The following TNFSF13B variants were observed in gnomAD, a reference collection of about 807,000 sequenced individuals.
TNFSF13B encodes the protein TNF superfamily member 13b.
Under a neutral mutation model 29.1 loss-of-function variants are expected in TNFSF13B, and 8 were observed. The ratio of observed to expected loss-of-function variants is 0.27; its 90% confidence interval spans 0.16 to 0.50. The LOEUF (loss-of-function observed/expected upper bound fraction) is 0.50. TNFSF13B is among the 20% of genes least tolerant of loss of function. The pLI is 0.98. For missense variants in TNFSF13B, 248 were observed against 334.9 expected, an observed-to-expected ratio of 0.74 and a Z score of 2.03; for synonymous variants, 125 against 130.8, an observed-to-expected ratio of 0.96 and a Z score of 0.30.
intron 2 of TNFSF13B, among the ~76,000 whole-genome samples, chr13:108,279,765 T>C (rs1332520450): frequency 1.3e-5 from 2 of 152,128 alleles, no homozygotes; most frequent in Non-Finnish European, 2.9e-5. Context: ...AATGGTGAGG[T>C]AGGGATTCGA....
At chr13:108,297,673 T>C (rs550864277) in intron 3 of TNFSF13B, among the ~76,000 whole-genome samples, 1 of 145,970 alleles carries the variant, frequency 6.9e-6, no homozygotes, top group African/African-American at 2.6e-5. Flanking sequence ...AGAGCCATTT[T>C]AGATTCACAG....
intron 3 of TNFSF13B, among the ~76,000 whole-genome samples, chr13:108,294,706 T>C (rs1028543839): frequency 9.1e-6 from 1 of 109,506 alleles, no homozygotes; most frequent in Admixed American, 8.1e-5. Flanking sequence ...GGCATTGATA[T>C]CAGTGTAACT....
At chr13:108,274,290 C>CAATACATATGAAAAATACATATATGAACA (rs1555311469) in intron 2 of TNFSF13B, among the ~76,000 whole-genome samples, 6,241 of 150,570 alleles carry the variant, frequency 0.041, 205 homozygotes, top group Non-Finnish European at 0.058. Flanking sequence ...TACATATGAA[C>CAATACATATGAAAAATACATATATGAACA]AATACATATG....
intron 2 of TNFSF13B, among the ~76,000 whole-genome samples, chr13:108,282,047 G>A (rs910573939): frequency 3.3e-5 from 5 of 152,084 alleles, no homozygotes; most frequent in Non-Finnish European, 7.4e-5. Context: ...TGAAAGTGAG[G>A]CATTGCCGTC....
chr13:108,278,287 G>A (rs1435197684), intron 2 of TNFSF13B, among the ~76,000 whole-genome samples: 1 of 152,070 alleles, frequency 6.6e-6, no homozygotes, highest in Non-Finnish European at 1.5e-5. Context: ...TGTTGTTAGT[G>A]GTAGAGATCA....
chr13:108,278,509 G>A (rs1485912558), intron 2 of TNFSF13B, among the ~76,000 whole-genome samples: 2 of 142,772 alleles, frequency 1.4e-5, no homozygotes, highest in Non-Finnish European at 3.1e-5. Context: ...TTCTAAATTT[G>A]TAAATTTTTG....
intron 3 of TNFSF13B, among the ~76,000 whole-genome samples, chr13:108,289,536 T>C (rs1384160065): frequency 1.3e-5 from 2 of 148,362 alleles, no homozygotes; most frequent in Non-Finnish European, 3.0e-5. Flanking sequence ...ATATTATTAA[T>C]ATTATTAGCA....
At chr13:108,298,397 GAATAAATAATATTTGGAGAAATA>G (rs1881514562) in intron 3 of TNFSF13B, among the ~76,000 whole-genome samples, 1 of 145,524 alleles carries the variant, frequency 6.9e-6, no homozygotes. Flanking sequence ...GTTAAAATCT[GAATAAATAATATTTGGAGAAATA>G]ATGGCCAAAC....
At chr13:108,283,988 A>G (rs1448010688) in intron 2 of TNFSF13B, among the ~76,000 whole-genome samples, 1 of 152,204 alleles carries the variant, frequency 6.6e-6, no homozygotes, top group Non-Finnish European at 1.5e-5. Context: ...TTCAGACCAT[A>G]GCCGTCTCCT....
chr13:108,302,235 G>A (rs981673810), intron 3 of TNFSF13B, among the ~76,000 whole-genome samples: 1 of 152,086 alleles, frequency 6.6e-6, no homozygotes, highest in Non-Finnish European at 1.5e-5. Flanking sequence ...GACAGGTATG[G>A]TTCACCATTA....
At chr13:108,272,278 A>C (rs1880640981) in intron 2 of TNFSF13B, among the ~76,000 whole-genome samples, 1 of 152,052 alleles carries the variant, frequency 6.6e-6, no homozygotes, top group Admixed American at 6.5e-5. Flanking sequence ...AGCTCTTCCT[A>C]ATTAGACATA....
chr13:108,286,461 T>C (rs1881136570), intron 2 of TNFSF13B, among the ~76,000 whole-genome samples: 1 of 152,138 alleles, frequency 6.6e-6, no homozygotes, highest in Admixed American at 6.6e-5. Flanking sequence ...AATGTTCTTA[T>C]AAGGTTAACT....
rs74885913 is a variant in TNFSF13B at position 108,285,589 on chromosome 13, G to A, written c.425-1214G>A. 9.1e-3 allele frequency among the ~76,000 whole-genome samples: 1,381 copies of A among 152,182 alleles called. 20 individuals are homozygous for A. Among genetic ancestry groups the A allele is most frequent in the African/African-American group, 0.032 (1,318 of 41,508 alleles). On this transcript the variant is annotated intron_variant, in intron 2 of 5. Transcript: ENST00000375887. ...CATAGAAAAGGTATAGTAAAAACTTGGTATTATAAATAATCCCATTGAACC... is the reference window on the plus strand; with the variant it reads ...CATAGAAAAGGTATAGTAAAAACTTAGTATTATAAATAATCCCATTGAACC...
intron 2 of TNFSF13B, among the ~76,000 whole-genome samples, chr13:108,272,815 C>T (rs118186472): frequency 0.02 from 3,043 of 151,594 alleles, 35 homozygotes; most frequent in Non-Finnish European, 0.029. Context: ...CTAATATCCC[C>T]GTTTCTAAAT....
At chr13:108,286,425 A>AT (rs1881134549) in intron 2 of TNFSF13B, among the ~76,000 whole-genome samples, 2 of 151,970 alleles carry the variant, frequency 1.3e-5, no homozygotes, top group African/African-American at 4.8e-5. Flanking sequence ...TTAATGTTAG[A>AT]TTTTTTAAAA....
At position 108,298,991 on chromosome 13, in the gene TNFSF13B, A is replaced by C. The variant is rs146215303; in HGVS notation, c.482-4262A>C. Among the ~76,000 whole-genome samples, 13 of 130,054 alleles carry C rather than the reference A, an allele frequency of 1.0e-4. 1 individual carries two copies. Among genetic ancestry groups the C allele is most frequent in the Non-Finnish European group, 1.9e-4 (11 of 58,662 alleles). The allele number at this position is 130,054 out of a possible 152,430, so 85.3% of individuals were successfully genotyped here. ...GAAAAACAAACAAACAAACAAACAA[A>C]AAACAAACAAACAAACAAAACATTG... On this transcript the variant is annotated intron_variant, in intron 3 of 5. Coordinates refer to ENST00000375887, the MANE Select transcript of TNFSF13B (RefSeq NM_006573.5).
intron 2 of TNFSF13B, among the ~76,000 whole-genome samples, chr13:108,273,843 T>A (rs1460854573): frequency 6.6e-6 from 1 of 152,162 alleles, no homozygotes; most frequent in Non-Finnish European, 1.5e-5. Context: ...ACATTATAGT[T>A]GACCCTTGAA....
chr13:108,294,206 G>A lies in TNFSF13B; in HGVS notation c.481+7347G>A, dbSNP rs1157788419. On this transcript the variant is annotated intron_variant, in intron 3 of 5. Coordinates refer to ENST00000375887, the MANE Select transcript of TNFSF13B (RefSeq NM_006573.5). Reference sequence around the variant, plus strand: ...GGATTTTTTTTTTTTTTGAGATGGAGTTTTGCTCTGTTGCCCAAGCTGGAG... The same window carrying A: ...GGATTTTTTTTTTTTTTGAGATGGAATTTTGCTCTGTTGCCCAAGCTGGAG... Among the ~76,000 whole-genome samples the A allele has an allele frequency of 2.7e-5, 4 of 148,566 alleles. No homozygotes were observed. In the South Asian group the frequency reaches 6.3e-4, roughly 23 times the overall value.
intron 5 of TNFSF13B, among the ~76,000 whole-genome samples, chr13:108,305,944 A>G (rs1235496892): frequency 2.6e-5 from 4 of 152,174 alleles, no homozygotes; most frequent in African/African-American, 9.6e-5. Context: ...CAATGAAACT[A>G]TTCTAAAAAT....
Sources: allele counts gnomAD v4.1 joint callset (sites outside exome capture counted in the v4.1 genomes callset), GRCh38; gene constraint gnomAD v4.1.1; transcripts MANE v1.5; gene names NCBI Gene and HGNC (gene_info 2026-07-23, HGNC 2026-07-21).